The following PTDSS2 variants were observed in gnomAD, a reference collection of about 807,000 sequenced individuals.
The protein encoded by PTDSS2 is PSS-2.
In PTDSS2, 41 loss-of-function variants were observed where a neutral mutation model predicts 64.7. The ratio of observed to expected loss-of-function variants is 0.63; its 90% CI spans 0.49 to 0.82. The LOEUF (loss-of-function observed/expected upper bound fraction) is 0.82. PTDSS2 is among the 40% of genes least tolerant of loss of function. The pLI is 0.00. For missense variants in PTDSS2, 485 were observed against 650.0 expected, an observed-to-expected ratio of 0.75 and a Z score of 2.76; for synonymous variants, 297 against 277.8, an observed-to-expected ratio of 1.07 and a Z score of -0.69.
At chr11:474,998 T>C (rs1397690010) in intron 3 of PTDSS2, among the ~76,000 whole-genome samples, 1 of 96,088 alleles carries the variant, frequency 1.0e-5, no homozygotes, top group African/African-American at 4.6e-5. Context: ...TACGGACATA[T>C]TCACGAGTTT....
At chr11:482,491 T>G (rs914910772) in intron 4 of PTDSS2, among the ~76,000 whole-genome samples, 2 of 152,128 alleles carry the variant, frequency 1.3e-5, no homozygotes, top group Non-Finnish European at 2.9e-5. Context: ...TTTTTTAACT[T>G]TCTGTGGAGA....
In PTDSS2 at chr11:461,581, G is replaced by A. The variant is rs548097684; in HGVS notation, c.284+1293G>A. ...TACCCTGCTCCTGGCTGCATGCTCTGTGGGTTCTCTCCCACCTTGCTGTCA... is the reference window on the plus strand; with the variant it reads ...TACCCTGCTCCTGGCTGCATGCTCTATGGGTTCTCTCCCACCTTGCTGTCA... On this transcript the variant is annotated intron_variant, in intron 2 of 11. Coordinates refer to ENST00000308020, the MANE Select transcript of PTDSS2 (RefSeq NM_030783.3). This position sits in a 1 kb window ranked among gnomAD's most constrained non-coding sequence, Gnocchi z 4.2. Among the ~76,000 whole-genome samples the A allele has an allele frequency of 1.2e-4, 19 of 152,282 alleles. No individual in the cohort carries two copies. Among genetic ancestry groups the A allele is most frequent in the African/African-American group, 4.1e-4 (17 of 41,564 alleles).
chr11:455,114 C>T (rs779215222), intron 1 of PTDSS2, among the ~76,000 whole-genome samples: 10 of 152,094 alleles, frequency 6.6e-5, no homozygotes, highest in Non-Finnish European at 1.2e-4. Context: ...ATGGAGATGA[C>T]GAGGGGTTTC....
In PTDSS2 at chr11:488,616, T is replaced by A. The variant is rs765795203; in HGVS notation, c.823T>A (p.Trp275Arg). 1.2e-6 allele frequency: 2 copies of A among 1,612,824 alleles called. No individual in the cohort carries two copies. The highest frequency in any genetic ancestry group is 1.7e-6 in the Non-Finnish European group (2 of 1,179,690). ...GTGGCTGTCCCTGAAGACGTACAAG[T>A]GGCAGGGCCTCTGGAACATTCCGAC... ...LEWLSLKTYKWQGLWNIPTYK... is the reference protein window; with the variant it reads ...LEWLSLKTYKRQGLWNIPTYK... The change falls in exon 8 of 12, where the codon TGG (tryptophan) becomes AGG (arginine). Residue 275 changes from tryptophan to arginine, a missense_variant. Physicochemically the swap from Trp to Arg is moderately radical, Grantham distance 101 (BLOSUM62 -3). Around this residue, in one of 3 missense-constraint regions of PTDSS2, gnomAD observed 15 missense variants for 44.7 expected, o/e 0.34. Coordinates refer to ENST00000308020, the MANE Select transcript of PTDSS2 (RefSeq NM_030783.3).
intron 1 of PTDSS2, 64 bp downstream of exon 1, chr11:450,701 T>C: frequency 8.2e-7 from 1 of 1,215,304 alleles, no homozygotes; most frequent in Non-Finnish European, 1.0e-6. Flanking sequence ...CCGGCACCGC[T>C]GGCCTGGGGG....
intron 1 of PTDSS2, chr11:451,212 T>C (rs1319905747): frequency 4.0e-6 from 1 of 250,466 alleles, no homozygotes; most frequent in Admixed American, 4.7e-5. Context: ...CAGTTGCCCC[T>C]AGCGGGGCCA....
rs1031447052 is a variant in PTDSS2, at chr11:462,140, G to T, written c.284+1852G>T. On this transcript the variant is annotated intron_variant, in intron 2 of 11. Transcript: ENST00000308020. The surrounding 1 kb of genome is among the most constrained non-coding windows in gnomAD (Gnocchi z 4.5). ...AGCATTCACCAGGCCCCCACCAGGC[G>T]CATCACAAAGCCTCACCACCCCAAG... Among the ~76,000 whole-genome samples, 1 of 152,088 alleles carries T rather than the reference G, an allele frequency of 6.6e-6. No individual in the cohort carries two copies. The highest frequency in any genetic ancestry group is 1.5e-5 in the Non-Finnish European group (1 of 67,998).
Position 476,715 on chromosome 11 carries a change from G to T in PTDSS2, c.368-2370G>T, listed in dbSNP as rs1424777667. 6.6e-6 allele frequency among the ~76,000 whole-genome samples: 1 copy of T among 152,184 alleles called. No individual in the cohort carries two copies. The highest frequency in any genetic ancestry group is 1.5e-5 in the Non-Finnish European group (1 of 68,032). On this transcript the variant is annotated intron_variant, in intron 3 of 11. Transcript: ENST00000308020. The surrounding 1 kb of genome is among the most constrained non-coding windows in gnomAD (Gnocchi z 4.9). ...CCTGAAGGTCTTGGCGCTTCCAAAAGCTCCGGCCGCGGCGTCTCTTGAGTT... is the reference window on the plus strand; with the variant it reads ...CCTGAAGGTCTTGGCGCTTCCAAAATCTCCGGCCGCGGCGTCTCTTGAGTT...
At chr11:459,570 T>G (rs1846776862) in intron 1 of PTDSS2, 1 of 153,038 alleles carries the variant, frequency 6.5e-6, no homozygotes, top group East Asian at 1.9e-4. Context: ...GGCCCCCAGT[T>G]CTGATACTAG....
intron 4 of PTDSS2, among the ~76,000 whole-genome samples, chr11:485,823 G>A (rs1233043587): frequency 1.6e-5 from 1 of 64,268 alleles, no homozygotes; most frequent in Non-Finnish European, 3.0e-5. Flanking sequence ...ACGGGCGCGC[G>A]TGTGCTCACC....
rs1846873366 is a variant in PTDSS2 at position 461,342 on chromosome 11, GC to G, written c.284+1057del. ...CCTGTGGGCTCTAGAACACAAGCAT[GC>G]CCAGTGCCCTGTCTGTAGGGGAGCG... On this transcript the variant is annotated intron_variant, in intron 2 of 11. Transcript: ENST00000308020. The surrounding 1 kb of genome is among the most constrained non-coding windows in gnomAD (Gnocchi z 4.2). Among the ~76,000 whole-genome samples, 1 of 152,202 alleles carries G rather than the reference GC, an allele frequency of 6.6e-6. No homozygotes were observed. The highest frequency in any genetic ancestry group is 6.5e-5 in the Admixed American group (1 of 15,288).
chr11:459,029 G>A (rs555588350), intron 1 of PTDSS2: 4 of 152,192 alleles, frequency 2.6e-5, no homozygotes, highest in African/African-American at 7.3e-5. Context: ...CACTCCAGTG[G>A]ATGTAGGACC....
intron 11 of PTDSS2, 83 bp from the exon 12 acceptor site, chr11:490,337 C>T: frequency 8.8e-6 from 14 of 1,583,878 alleles, no homozygotes; most frequent in Non-Finnish European, 1.1e-5. Flanking sequence ...CGGACCTCCA[C>T]AGGGACTAGG....
At chr11:473,328 C>T (rs994701047) in intron 2 of PTDSS2, among the ~76,000 whole-genome samples, 5 of 152,254 alleles carry the variant, frequency 3.3e-5, no homozygotes, top group Admixed American at 3.3e-4. Flanking sequence ...ACCAAAAAGA[C>T]ACAGGAGCTC....
intron 2 of PTDSS2, among the ~76,000 whole-genome samples, chr11:469,492 A>AG (rs1406443704): frequency 1.3e-5 from 2 of 149,278 alleles, no homozygotes; most frequent in Admixed American, 6.7e-5. Flanking sequence ...CGGAGGGAGG[A>AG]GGAGGGGAGT....
intron 4 of PTDSS2, among the ~76,000 whole-genome samples, chr11:481,020 C>T (rs556675993): frequency 6.6e-6 from 1 of 151,226 alleles, no homozygotes; most frequent in South Asian, 2.1e-4. Context: ...GGAGGCAGAG[C>T]TTGCAGTGAG....
At chr11:474,071 C>T in intron 3 of PTDSS2, 94 bp downstream of exon 3, 2 of 1,050,020 alleles carry the variant, frequency 1.9e-6, no homozygotes, top group Non-Finnish European at 3.0e-6. Flanking sequence ...GTGTCCTGTC[C>T]TCCCCTCCGC....
At position 476,107 on chromosome 11, in the gene PTDSS2, G is replaced by A. The variant is rs981294955; in HGVS notation, c.367+2130G>A. Reference sequence around the variant, plus strand: ...CCGGTGACCCAAGCAGGCTGGTCTTGCTGGCCCCTTCCTTGCCCAGGGCCT... The same window carrying A: ...CCGGTGACCCAAGCAGGCTGGTCTTACTGGCCCCTTCCTTGCCCAGGGCCT... On this transcript the variant is annotated intron_variant, in intron 3 of 11. Coordinates refer to ENST00000308020, the MANE Select transcript of PTDSS2 (RefSeq NM_030783.3). The surrounding 1 kb of genome is among the most constrained non-coding windows in gnomAD (Gnocchi z 4.9). Among the ~76,000 whole-genome samples, 1 of 152,226 alleles carries A rather than the reference G, an allele frequency of 6.6e-6. No individual in the cohort carries two copies. Among genetic ancestry groups the A allele is most frequent in the Non-Finnish European group, 1.5e-5 (1 of 68,034 alleles).
intron 2 of PTDSS2, among the ~76,000 whole-genome samples, chr11:467,026 G>A (rs1044059394): frequency 6.6e-6 from 1 of 152,096 alleles, no homozygotes; most frequent in Non-Finnish European, 1.5e-5. Context: ...CTGCACTCCA[G>A]CCTAGGCAAC....
Sources: gnomAD v4.1 joint callset for allele counts (sites outside exome capture counted in the v4.1 genomes callset) on GRCh38, gnomAD v4.1.1 for gene constraint, gnomAD v4.1.1 regional missense constraint, Gnocchi (gnomAD v3.1) non-coding constraint, MANE v1.5 for transcripts, NCBI Gene and HGNC (gene_info 2026-07-23, HGNC 2026-07-21) for gene names.